Variants in FRMPD4 observed in about 807,000 individuals in gnomAD.
The protein encoded by FRMPD4 is FERM and PDZ domain containing 4.
A neutral mutation model predicts 94.1 loss-of-function variants in FRMPD4; 22 were observed. The ratio of observed to expected loss-of-function variants is 0.23; its 90% CI spans 0.17 to 0.33. FRMPD4 has a LOEUF of 0.33. FRMPD4 is among the 10% of genes least tolerant of loss of function. The pLI, the probability that FRMPD4 is intolerant of heterozygous loss-of-function variation, is 1.00. For synonymous variants in FRMPD4, 631 were observed against 548.6 expected (o/e 1.15, Z -2.10); for missense variants, 1,111 against 1,339.9 (o/e 0.83, Z 2.67).
chrX:12,656,274 A>G (rs2059655022), intron 4 of FRMPD4, among the ~76,000 whole-genome samples: 2 of 112,422 alleles, frequency 1.8e-5, no homozygotes, highest in Non-Finnish European at 3.8e-5. Context: ...TCAATGAATG[A>G]TAAAGCCAAA....
intron 3 of FRMPD4, among the ~76,000 whole-genome samples, chrX:11,887,809 G>C (rs2053854259): frequency 8.9e-6 from 1 of 111,751 alleles, no homozygotes; most frequent in Non-Finnish European, 1.9e-5. Flanking sequence ...CATTTAAAAT[G>C]GGTGTTATTC....
intron 2 of FRMPD4, among the ~76,000 whole-genome samples, chrX:12,560,876 T>C (rs1256155501): frequency 1.1e-5 from 1 of 91,738 alleles, no homozygotes; most frequent in Non-Finnish European, 2.1e-5. Flanking sequence ...TTCACGCCAT[T>C]CTCCTGCCTC....
intron 1 of FRMPD4, among the ~76,000 whole-genome samples, chrX:12,303,330 T>C (rs1324299415): frequency 8.9e-6 from 1 of 112,295 alleles, no homozygotes; most frequent in Non-Finnish European, 1.9e-5. Flanking sequence ...ATTTTGATTT[T>C]AGTCACATCA....
At chrX:12,417,671 T>C (rs2056823081) in intron 1 of FRMPD4, among the ~76,000 whole-genome samples, 1 of 110,183 alleles carries the variant, frequency 9.1e-6, no homozygotes, top group Non-Finnish European at 1.9e-5. Flanking sequence ...GTGTAATTCA[T>C]TTCCTTTGTA....
chrX:12,286,954 A>G (rs758672976), intron 1 of FRMPD4, among the ~76,000 whole-genome samples: 4 of 112,232 alleles, frequency 3.6e-5, no homozygotes, highest in Non-Finnish European at 5.6e-5. Flanking sequence ...GGAGGCATCA[A>G]TCCTGACTTG....
chrX:11,883,491 T>C (rs886791303), intron 3 of FRMPD4, among the ~76,000 whole-genome samples: 3 of 111,654 alleles, frequency 2.7e-5, no homozygotes, highest in Admixed American at 9.6e-5. Context: ...ATCTCTGATA[T>C]GCAAAGCATT....
chrX:11,944,981 C>T (rs2054181186), intron 3 of FRMPD4, among the ~76,000 whole-genome samples: 1 of 112,303 alleles, frequency 8.9e-6, no homozygotes. Flanking sequence ...AGCTTTCAGA[C>T]ATGACTGCAC....
intron 1 of FRMPD4, among the ~76,000 whole-genome samples, chrX:12,344,471 T>C (rs868391714): frequency 1.8e-5 from 2 of 111,686 alleles, no homozygotes; most frequent in Non-Finnish European, 3.8e-5. Flanking sequence ...TTAGACCTCT[T>C]ATCTGTCTCC....
intron 1 of FRMPD4, among the ~76,000 whole-genome samples, chrX:12,353,042 G>A (rs1444054477): frequency 8.9e-6 from 1 of 112,083 alleles, no homozygotes; most frequent in Non-Finnish European, 1.9e-5. Flanking sequence ...AGAAAAGCCA[G>A]TCGATAGCTC....
In FRMPD4 at chrX:12,501,714, T is replaced by G. The variant is rs142158429; in HGVS notation, c.158+2918T>G. Among the ~76,000 whole-genome samples the G allele has an allele frequency of 4.8e-3, 532 of 111,655 alleles. 4 individuals are homozygous for G. Among genetic ancestry groups the G allele is most frequent in the African/African-American group, 0.017 (516 of 30,719 alleles). On this transcript the variant is annotated intron_variant, in intron 2 of 16. Coordinates refer to ENST00000675598, the MANE Select transcript of FRMPD4 (RefSeq NM_001368397.1). ...GTAAATAACCCCCATCAGACAATTG[T>G]TTCTGATGGAGGTACAAGTATTCCA...
chrX:11,835,569 T>C (rs1230613298), intron 1 of FRMPD4, among the ~76,000 whole-genome samples: 2 of 112,143 alleles, frequency 1.8e-5, no homozygotes, highest in Non-Finnish European at 3.8e-5. Context: ...TAGGGTCAAG[T>C]GGCCTGAGTA....
intron 7 of FRMPD4, 96 bp downstream of exon 7, chrX:12,686,300 C>G (rs111732790): frequency 2.2e-5 from 10 of 453,533 alleles, no homozygotes; most frequent in African/African-American, 9.8e-5. Context: ...TCAGAACTAT[C>G]CCTTTATTTC....
chrX:12,138,790 G>A lies in FRMPD4; in HGVS notation c.-182G>A, dbSNP rs917905342. The A allele has an allele frequency of 2.8e-5, 10 of 361,365 alleles. No homozygotes were observed. The highest frequency in any genetic ancestry group is 8.0e-5 in the African/African-American group (3 of 37,468). The allele number at this position is 361,365 out of a possible 1,213,427, so 29.8% of individuals were successfully genotyped here. A position where few individuals can be genotyped will look rare whatever the true frequency, so the allele number is the denominator to read the frequency against. On this transcript the variant is annotated 5_prime_UTR_variant, in exon 1 of 17. Transcript: ENST00000675598. The stretch of plus-strand genomic sequence containing the variant: ...GGGATGCACACGCAGCTCGCGGCCG[G>A]AGGGGGGTAGCAGCCGCCGCCTCCA...
At position 12,214,869 on chromosome X, in the gene FRMPD4, GTTACATT is replaced by G. The variant is rs748468042; in HGVS notation, c.41+75867_41+75873del. Among the ~76,000 whole-genome samples, 935 of 109,393 alleles carry G rather than the reference GTTACATT, an allele frequency of 8.5e-3. 2 individuals are homozygous for G. Among genetic ancestry groups the G allele is most frequent in the Non-Finnish European group, 0.011 (607 of 53,045 alleles). 95.0% of individuals were successfully genotyped at this position (109,393 alleles called of 115,157 possible). A position where few individuals can be genotyped will look rare whatever the true frequency, so the allele number is the denominator to read the frequency against. The stretch of plus-strand genomic sequence containing the variant: ...ATATAAATGTGACATATATAATTTT[GTTACATT>G]TTACATTTTCAGCCTTCTTTTTACA... On this transcript the variant is annotated intron_variant, in intron 1 of 16. Coordinates refer to ENST00000675598, the MANE Select transcript of FRMPD4 (RefSeq NM_001368397.1).
chrX:12,348,368 A>G (rs1203545662), intron 1 of FRMPD4, among the ~76,000 whole-genome samples: 3 of 110,919 alleles, frequency 2.7e-5, no homozygotes, highest in Non-Finnish European at 5.7e-5. Flanking sequence ...TCATATTTCT[A>G]TGAGTGAGAG....
At position 11,852,303 on chromosome X, in the gene FRMPD4, C is replaced by T. The variant is rs1843144744; in HGVS notation, c.-160-12783C>T. Among the ~76,000 whole-genome samples, 3 of 108,892 alleles carry T rather than the reference C, an allele frequency of 2.8e-5. No individual in the cohort carries two copies. The South Asian group carries it at 1.2e-3, about 44-fold the overall frequency. 94.6% of individuals were successfully genotyped at this position (108,892 alleles called of 115,157 possible). ...TAATATGGGCCACACTTCACTTTCT[C>T]AGGGTTTATGGTAATGGAATATACT... On this transcript the variant is annotated intron_variant, in intron 1 of 18. Transcript: ENST00000640291.
chrX:12,192,083 A>C (rs894089206), intron 1 of FRMPD4, among the ~76,000 whole-genome samples: 7 of 112,137 alleles, frequency 6.2e-5, no homozygotes, highest in Non-Finnish European at 1.1e-4. Context: ...CAATTAAATG[A>C]GTATGTATTA....
intron 1 of FRMPD4, among the ~76,000 whole-genome samples, chrX:12,336,768 G>A (rs2055531424): frequency 8.9e-6 from 1 of 111,855 alleles, no homozygotes; most frequent in Non-Finnish European, 1.9e-5. Context: ...TCACACCGCT[G>A]GTTCAGGAAA....
At chrX:12,640,784 T>C (rs1334350294) in intron 4 of FRMPD4, among the ~76,000 whole-genome samples, 1 of 112,229 alleles carries the variant, frequency 8.9e-6, no homozygotes, top group Admixed American at 9.4e-5. Flanking sequence ...AGTTCAGAAA[T>C]TGTTGAATGG....
Sources: gnomAD v4.1 joint callset for allele counts (sites outside exome capture counted in the v4.1 genomes callset) on GRCh38, gnomAD v4.1.1 for gene constraint, MANE v1.5 for transcripts, NCBI Gene and HGNC (gene_info 2026-07-23, HGNC 2026-07-21) for gene names.